The following SMPDL3A variants were observed in gnomAD, a reference collection of about 807,000 sequenced individuals.
SMPDL3A encodes the protein sphingomyelin phosphodiesterase acid like 3A, also known as cyclic GMP-AMP phosphodiesterase SMPDL3A.
Under a neutral mutation model 38.5 loss-of-function variants are expected in SMPDL3A, and 39 were observed. That is an observed-to-expected ratio of 1.01 (90% CI 0.78 to 1.32). The LOEUF (loss-of-function observed/expected upper bound fraction) is 1.32, where lower values mean the gene tolerates loss of function less well. SMPDL3A is among the 40% of genes most tolerant of loss of function. The probability of loss-of-function intolerance (pLI) is 0.00; values close to 1 mark genes in which losing one functional copy is unlikely to be tolerated. For synonymous variants in SMPDL3A, 180 were observed against 194.3 expected (o/e 0.93, Z 0.61); for missense variants, 502 against 536.2 (o/e 0.94, Z 0.63).
At chr6:122,806,929 TACTC>T (rs1781641486) in intron 7 of SMPDL3A, among the ~76,000 whole-genome samples, 1 of 152,200 alleles carries the variant, frequency 6.6e-6, no homozygotes, top group Non-Finnish European at 1.5e-5. Flanking sequence ...CTTGTTCTGT[TACTC>T]AGGCTGGAGT....
At position 122,803,585 on chromosome 6, in the gene SMPDL3A, A is replaced by G. The variant is rs542599682; in HGVS notation, c.569-79A>G. The G allele has an allele frequency of 2.6e-5, 28 of 1,059,592 alleles. No individual in the cohort carries two copies. In the African/African-American group the frequency reaches 3.8e-4, roughly 14 times the overall value. The allele number at this position is 1,059,592 out of a possible 1,614,324, so 65.6% of individuals were successfully genotyped here. A position where few individuals can be genotyped will look rare whatever the true frequency, so the allele number is the denominator to read the frequency against. ...AGCACCAACCTCCTGACTGGATTGT[A>G]AACCTCAGGAATTTGCTTTCACAAT... On this transcript the variant is annotated intron_variant, in intron 4 of 7. Coordinates refer to ENST00000368440, the MANE Select transcript of SMPDL3A (RefSeq NM_006714.5).
At position 122,797,109 on chromosome 6, in the gene SMPDL3A, A is replaced by C. The variant is rs1582542618; in HGVS notation, c.471+141A>C. ...TATGGTCTTAATCCTAACCATCAAG[A>C]AAGGCAAAGACAAGTACTTCGGGGA... On this transcript the variant is annotated intron_variant, in intron 3 of 7. Coordinates refer to ENST00000368440, the MANE Select transcript of SMPDL3A (RefSeq NM_006714.5). The C allele has an allele frequency of 6.7e-6, 4 of 598,114 alleles. No homozygotes were observed. In the East Asian group the frequency reaches 1.1e-4, roughly 17 times the overall value. The allele number at this position is 598,114 out of a possible 1,614,324, so 37.1% of individuals were successfully genotyped here.
In SMPDL3A at chr6:122,801,343, A is replaced by G. The variant is rs1781424342; in HGVS notation, c.505A>G (p.Asn169Asp). The change falls in exon 4 of 8, where the codon AAT (asparagine) becomes GAT (aspartate). Residue 169 changes from asparagine (N) to aspartate (D), a missense_variant. By Grantham distance (23) the Asn-to-Asp change is conservative. Transcript: ENST00000368440. ...QLPVVTSKVY[N>D]AVANLWKPWL... ...GCCTGTAGTCACCAGTAAAGTGTAC[A>G]ATGCAGTAGCAAACCTCTGGAAACC... 1.2e-6 allele frequency: 2 copies of G among 1,613,650 alleles called. No individual in the cohort carries two copies. Among genetic ancestry groups the G allele is most frequent in the Non-Finnish European group, 1.7e-6 (2 of 1,179,532 alleles).
At chr6:122,808,645 C>CTT (rs1562357878) in intron 7 of SMPDL3A, among the ~76,000 whole-genome samples, 8 of 49,120 alleles carry the variant, frequency 1.6e-4, no homozygotes, top group East Asian at 1.6e-3. Flanking sequence ...CTTCCTTCCC[C>CTT]CCCTCCTCCC....
At chr6:122,800,525 T>C (rs1781393976) in intron 3 of SMPDL3A, among the ~76,000 whole-genome samples, 1 of 152,220 alleles carries the variant, frequency 6.6e-6, no homozygotes, top group East Asian at 1.9e-4. Context: ...ATCCTTCCCA[T>C]ATCCTAGCCA....
intron 1 of SMPDL3A, among the ~76,000 whole-genome samples, chr6:122,795,205 G>A (rs1781203058): frequency 1.3e-5 from 2 of 151,956 alleles, no homozygotes; most frequent in South Asian, 2.1e-4. Context: ...ACAGTGGCAC[G>A]ATCTCAGCTT....
chr6:122,801,412 T>A lies in SMPDL3A; in HGVS notation c.568+6T>A, dbSNP rs778506216. On this transcript the variant is annotated splice_donor_region_variant and intron_variant, in intron 4 of 7. Coordinates refer to ENST00000368440, the MANE Select transcript of SMPDL3A (RefSeq NM_006714.5). ...TATTAGTACTTTAAGGAAAGGTAAG[T>A]GAAAGACTTAGTTATTCCTATTTTG... 1.3e-6 allele frequency: 2 copies of A among 1,566,274 alleles called. No homozygotes were observed. The highest frequency in any genetic ancestry group is 1.1e-5 in the South Asian group (1 of 89,736).
At chr6:122,792,994 A>G (rs1272516433) in intron 1 of SMPDL3A, among the ~76,000 whole-genome samples, 1 of 152,212 alleles carries the variant, frequency 6.6e-6, no homozygotes, top group Admixed American at 6.5e-5. Context: ...TCCTGAATTC[A>G]TAGTTTAGCC....
intron 3 of SMPDL3A, 70 bp from the exon 4 acceptor site, chr6:122,801,240 A>C (rs9372718): frequency 0.16 from 173,007 of 1,049,666 alleles, 16,592 homozygotes; most frequent in East Asian, 0.36. Flanking sequence ...GTCAGTGCTC[A>C]AGTAGTGTTT....
At chr6:122,806,103 G>C in intron 6 of SMPDL3A, 130 bp from the exon 7 acceptor site, 1 of 676,060 alleles carries the variant, frequency 1.5e-6, no homozygotes. Flanking sequence ...GTTGTTTCAA[G>C]TCAGTATCCA....
At chr6:122,794,521 C>T (rs973905042) in intron 1 of SMPDL3A, among the ~76,000 whole-genome samples, 4 of 152,062 alleles carry the variant, frequency 2.6e-5, no homozygotes, top group African/African-American at 9.7e-5. Context: ...CGCTTGAACC[C>T]GGGAGGTGGA....
At chr6:122,805,589 C>A (rs1315728135) in intron 6 of SMPDL3A, among the ~76,000 whole-genome samples, 1 of 152,140 alleles carries the variant, frequency 6.6e-6, no homozygotes, top group African/African-American at 2.4e-5. Context: ...CCTATGTACT[C>A]AACACTCACA....
In SMPDL3A at chr6:122,804,894, T is replaced by G. The variant is rs1781550878; in HGVS notation, c.739-15T>G. The stretch of plus-strand genomic sequence containing the variant: ...GAAAGATTCTCATGAGGCCTTTTTG[T>G]GTTTCTTTTTCCAGGTGTATATCAT... On this transcript the variant is annotated splice_polypyrimidine_tract_variant and intron_variant, in intron 5 of 7. Coordinates refer to ENST00000368440, the MANE Select transcript of SMPDL3A (RefSeq NM_006714.5). 6.3e-7 allele frequency: 1 copy of G among 1,586,190 alleles called. No individual in the cohort carries two copies. Among genetic ancestry groups the G allele is most frequent in the South Asian group, 1.2e-5 (1 of 82,228 alleles).
rs1014061714 is a variant in SMPDL3A, at chr6:122,789,982, C to G, written c.112+524C>G. On this transcript the variant is annotated intron_variant, in intron 1 of 7. Coordinates refer to ENST00000368440, the MANE Select transcript of SMPDL3A (RefSeq NM_006714.5). The stretch of plus-strand genomic sequence containing the variant: ...ATCAGTGGCTTTTTCTGCCACTCAC[C>G]CAGCCAGAGCGCGAAAGCACCCTCG... The G allele has an allele frequency of 1.1e-5, 7 of 622,054 alleles. No homozygotes were observed. The African/African-American group carries it at 1.4e-4, about 12-fold the overall frequency. 38.5% of individuals were successfully genotyped at this position (622,054 alleles called of 1,614,324 possible).
intron 4 of SMPDL3A, among the ~76,000 whole-genome samples, chr6:122,802,853 C>A (rs1781470152): frequency 6.6e-6 from 1 of 151,990 alleles, no homozygotes; most frequent in South Asian, 2.1e-4. Context: ...ACTTTGTCAT[C>A]CCAGAGGCCC....
chr6:122,793,331 C>G (rs1004865850), intron 1 of SMPDL3A, among the ~76,000 whole-genome samples: 1 of 152,122 alleles, frequency 6.6e-6, no homozygotes, highest in African/African-American at 2.4e-5. Context: ...ATGAAATAGG[C>G]CAAGATCACA....
intron 3 of SMPDL3A, among the ~76,000 whole-genome samples, chr6:122,799,112 A>G (rs1781343319): frequency 6.6e-6 from 1 of 152,220 alleles, no homozygotes; most frequent in African/African-American, 2.4e-5. Flanking sequence ...AGCTACATAA[A>G]TATACATATA....
intron 5 of SMPDL3A, among the ~76,000 whole-genome samples, chr6:122,804,371 A>T (rs1735380516): frequency 6.6e-6 from 1 of 151,154 alleles, no homozygotes; most frequent in Admixed American, 6.6e-5. Flanking sequence ...TGGTGTGATC[A>T]TGGCTCACTG....
Position 122,804,956 on chromosome 6 carries a change from G to T in SMPDL3A, c.786G>T (p.Gln262His). The T allele has an allele frequency of 6.2e-7, 1 of 1,612,984 alleles. No individual in the cohort carries two copies. The highest frequency in any genetic ancestry group is 8.5e-7 in the Non-Finnish European group (1 of 1,179,694). Residue 262 changes from glutamine to histidine, a missense_variant, in exon 6 of 8, where the codon CAG becomes CAT. By Grantham distance (24) the Gln-to-His change is conservative. Transcript: ENST00000368440. ...HVPVGYLPSS[Q>H]NITAMREYYN... ...CAGTGGGGTATCTGCCATCTTCACA[G>T]AACATCACAGCAATGAGAGAATACT...
Sources: gnomAD v4.1 joint callset for allele counts (sites outside exome capture counted in the v4.1 genomes callset) on GRCh38, gnomAD v4.1.1 for gene constraint, MANE v1.5 for transcripts, NCBI Gene and HGNC (gene_info 2026-07-23, HGNC 2026-07-21) for gene names.